The following PRH1 variants were observed in gnomAD, a reference collection of about 807,000 sequenced individuals.
PRH1 encodes the protein salivary acidic proline-rich phosphoprotein 1/2.
In PRH1, 7 loss-of-function variants were observed where a neutral mutation model predicts 7.9. The ratio of observed to expected loss-of-function variants is 0.89; its 90% CI spans 0.50 to 1.67. The LOEUF (loss-of-function observed/expected upper bound fraction) is 1.67. Ranked by LOEUF, PRH1 falls within the 40% of genes most tolerant of loss-of-function variation. PRH1 has a pLI of 0.00. For missense variants in PRH1, 109 were observed against 223.6 expected (o/e 0.49, Z 3.27); for synonymous variants, 45 against 80.8 (o/e 0.56, Z 2.38).
At chr12:11,086,910 T>A (rs1247955054) in intron 1 of PRH1, among the ~76,000 whole-genome samples, 1 of 88,902 alleles carries the variant, frequency 1.1e-5, no homozygotes, top group Admixed American at 1.2e-4. Context: ...AAACTCCATC[T>A]CAAAAACACC....
At chr12:11,081,254 T>A (rs75485070) in intron 1 of PRH1, among the ~76,000 whole-genome samples, 42,001 of 93,314 alleles carry the variant, frequency 0.45, 6,854 homozygotes, top group Non-Finnish European at 0.55. Context: ...TGCATCTAAC[T>A]GGTTAACTCT....
chr12:10,983,684 C>G (rs924001508), intron 1 of PRH1, among the ~76,000 whole-genome samples: 1 of 152,210 alleles, frequency 6.6e-6, no homozygotes, highest in African/African-American at 2.4e-5. Context: ...TGGACTAATG[C>G]CGGCTGTGGT....
At position 10,966,751 on chromosome 12, in the gene PRH1, T is replaced by A. The variant is rs377237470; in HGVS notation, c.-59+6904A>T. Among the ~76,000 whole-genome samples, 26 of 152,272 alleles carry A rather than the reference T, an allele frequency of 1.7e-4. No individual in the cohort carries two copies. The South Asian group carries it at 5.2e-3, about 30-fold the overall frequency. On this transcript the variant is annotated intron_variant, in intron 2 of 3. Coordinates refer to the PRH1 transcript ENST00000539853. Reference sequence around the variant, plus strand: ...GTGTGGGAAATATGTCCACCCTTGTTGTGTCAGGAATAGAGGAGCCAAAAG... The same window carrying A: ...GTGTGGGAAATATGTCCACCCTTGTAGTGTCAGGAATAGAGGAGCCAAAAG...
upstream of PRH1, among the ~76,000 whole-genome samples, chr12:10,888,447 T>C (rs760586134): frequency 3.9e-5 from 6 of 152,146 alleles, no homozygotes; most frequent in Non-Finnish European, 5.9e-5. Context: ...GATATTTGCA[T>C]GAGAATATGA....
intron 1 of PRH1, among the ~76,000 whole-genome samples, chr12:10,983,740 G>A (rs767670014): frequency 1.9e-4 from 29 of 152,176 alleles, no homozygotes; most frequent in Non-Finnish European, 4.0e-4. Flanking sequence ...TCAAGTCCAC[G>A]CATCTGATGA....
intron 1 of PRH1, among the ~76,000 whole-genome samples, chr12:11,107,880 G>A (rs545205923): frequency 6.6e-6 from 1 of 152,148 alleles, no homozygotes; most frequent in Non-Finnish European, 1.5e-5. Flanking sequence ...CTAAGCTCAA[G>A]GATAAAGAAA....
At chr12:11,145,200 G>T (rs1458550479) in intron 1 of PRH1, among the ~76,000 whole-genome samples, 1 of 151,744 alleles carries the variant, frequency 6.6e-6, no homozygotes, top group East Asian at 1.9e-4. Flanking sequence ...TTTTGTTTTT[G>T]GTTTTCTTTG....
intron 2 of PRH1, among the ~76,000 whole-genome samples, chr12:10,955,388 G>A (rs1215924084): frequency 6.6e-6 from 1 of 151,990 alleles, no homozygotes; most frequent in African/African-American, 2.4e-5. Context: ...AACATAATGA[G>A]AACAAAGATA....
rs1172030376 is a variant in PRH1, at chr12:10,922,907, C to T, written c.-58-38632G>A. Reference sequence around the variant, plus strand: ...GCAGTGGCGCAATCTCGGCTCACTGCAAGCTCCGCTTCCCGGGTTCACGCC... The same window carrying T: ...GCAGTGGCGCAATCTCGGCTCACTGTAAGCTCCGCTTCCCGGGTTCACGCC... On this transcript the variant is annotated intron_variant, in intron 2 of 3. Coordinates refer to the PRH1 transcript ENST00000539853. Among the ~76,000 whole-genome samples, 2 of 134,904 alleles carry T rather than the reference C, an allele frequency of 1.5e-5. 1 individual carries two copies. Among genetic ancestry groups the T allele is most frequent in the Middle Eastern group, 0.01 (2 of 200 alleles). The allele number at this position is 134,904 out of a possible 152,430, so 88.5% of individuals were successfully genotyped here. A position where few individuals can be genotyped will look rare whatever the true frequency, so the allele number is the denominator to read the frequency against.
intron 1 of PRH1, among the ~76,000 whole-genome samples, chr12:10,981,344 G>A (rs1268060031): frequency 6.7e-6 from 1 of 150,218 alleles, no homozygotes; most frequent in Admixed American, 6.7e-5. Flanking sequence ...ATGGGATACG[G>A]TGGCAAATTT....
At chr12:11,046,431 T>A (rs536791453) in intron 1 of PRH1, among the ~76,000 whole-genome samples, 1 of 152,262 alleles carries the variant, frequency 6.6e-6, no homozygotes, top group East Asian at 1.9e-4. Context: ...GGCCTTCTCC[T>A]TTCTCAGATT....
At chr12:11,007,840 G>A (rs1439106396) in intron 1 of PRH1, among the ~76,000 whole-genome samples, 1 of 152,026 alleles carries the variant, frequency 6.6e-6, no homozygotes, top group Non-Finnish European at 1.5e-5. Context: ...ACTTCAAGAT[G>A]CAGAACATGG....
At chr12:10,894,439 A>C (rs1249389319) in intron 2 of PRH1, among the ~76,000 whole-genome samples, 1 of 152,192 alleles carries the variant, frequency 6.6e-6, no homozygotes, top group Non-Finnish European at 1.5e-5. Flanking sequence ...TCATATCCTC[A>C]AAGTTTTCAC....
At chr12:11,065,899 C>T (rs1344185210) in intron 1 of PRH1, among the ~76,000 whole-genome samples, 1 of 152,144 alleles carries the variant, frequency 6.6e-6, no homozygotes, top group Non-Finnish European at 1.5e-5. Context: ...GTTGCTGGGT[C>T]ATCACCACAA....
intron 2 of PRH1, among the ~76,000 whole-genome samples, chr12:10,953,963 A>T (rs1937820372): frequency 1.3e-5 from 2 of 152,128 alleles, no homozygotes; most frequent in Non-Finnish European, 2.9e-5. Context: ...ATATTCAGAA[A>T]TTTTTTGAAA....
At chr12:10,993,201 T>A (rs907786705) in intron 1 of PRH1, among the ~76,000 whole-genome samples, 3 of 152,192 alleles carry the variant, frequency 2.0e-5, no homozygotes, top group African/African-American at 7.2e-5. Context: ...GGCGTTTGAT[T>A]TGGTGAATGC....
chr12:10,978,962 G>C (rs922555768), intron 1 of PRH1, among the ~76,000 whole-genome samples: 1 of 152,098 alleles, frequency 6.6e-6, no homozygotes, highest in East Asian at 1.9e-4. Context: ...TGATGAAAGG[G>C]AATGCTTTTA....
chr12:11,088,449 C>T (rs1280649712), intron 1 of PRH1, among the ~76,000 whole-genome samples: 1 of 103,640 alleles, frequency 9.6e-6, no homozygotes, highest in Non-Finnish European at 2.2e-5. Flanking sequence ...AGTAAAATAC[C>T]AGAAGAAAAG....
upstream of PRH1, among the ~76,000 whole-genome samples, chr12:11,051,494 CA>C (rs1220440604): frequency 6.6e-6 from 1 of 152,130 alleles, no homozygotes; most frequent in African/African-American, 2.4e-5. Context: ...GAAAACATAG[CA>C]ATATGTCATA....
Sources: gnomAD v4.1 joint callset for allele counts (sites outside exome capture counted in the v4.1 genomes callset) on GRCh38, gnomAD v4.1.1 for gene constraint, MANE v1.5 for transcripts, NCBI Gene and HGNC (gene_info 2026-07-23, HGNC 2026-07-21) for gene names.